Variants in GNG12 observed in about 807,000 individuals in gnomAD.
GNG12 encodes the protein G protein subunit gamma 12.
For synonymous variants in GNG12, 28 were observed against 29.7 expected (o/e 0.94, Z 0.19); for missense variants, 69 against 83.8 (o/e 0.82, Z 0.69).
chr1:67,815,245 T>G (rs1646946803), intron 1 of GNG12, among the ~76,000 whole-genome samples: 1 of 152,164 alleles, frequency 6.6e-6, no homozygotes, highest in Admixed American at 6.5e-5. Flanking sequence ...CCCTCACAAT[T>G]TTTCCTTCAC....
chr1:67,791,833 C>A (rs931307617), intron 1 of GNG12, among the ~76,000 whole-genome samples: 3 of 152,156 alleles, frequency 2.0e-5, no homozygotes, highest in Non-Finnish European at 2.9e-5. Flanking sequence ...AACTCTCCAA[C>A]AGATTCTCAG....
At chr1:67,790,216 T>C (rs989183917) in intron 1 of GNG12, among the ~76,000 whole-genome samples, 5 of 152,218 alleles carry the variant, frequency 3.3e-5, no homozygotes, top group Admixed American at 3.3e-4. Flanking sequence ...ACCTGCTTCC[T>C]GGGTAAAGCC....
intron 2 of GNG12, among the ~76,000 whole-genome samples, chr1:67,768,322 A>G (rs1183984167): frequency 1.3e-5 from 2 of 152,214 alleles, no homozygotes; most frequent in Non-Finnish European, 2.9e-5. Context: ...GTTGAGCCTT[A>G]TTGTTAGTCC....
At chr1:67,827,421 C>G (rs1647017263) in intron 1 of GNG12, among the ~76,000 whole-genome samples, 1 of 151,940 alleles carries the variant, frequency 6.6e-6, no homozygotes, top group Non-Finnish European at 1.5e-5. Flanking sequence ...CTCCAACACT[C>G]CAGTTTTTTT....
At chr1:67,739,427 A>G (rs1646470560) in intron 2 of GNG12, among the ~76,000 whole-genome samples, 2 of 152,208 alleles carry the variant, frequency 1.3e-5, no homozygotes, top group African/African-American at 4.8e-5. Context: ...ATTTAAGTTT[A>G]TTGAACGCCT....
intron 2 of GNG12, among the ~76,000 whole-genome samples, chr1:67,757,218 G>C (rs1277740554): frequency 6.6e-6 from 1 of 152,180 alleles, no homozygotes; most frequent in African/African-American, 2.4e-5. Flanking sequence ...TATTGTGTAT[G>C]ATACAAAGTT....
chr1:67,776,371 C>T (rs962261257), intron 2 of GNG12, among the ~76,000 whole-genome samples: 4 of 152,182 alleles, frequency 2.6e-5, no homozygotes, highest in African/African-American at 9.7e-5. Flanking sequence ...TTCTTCCCCT[C>T]CCTGTATCCA....
chr1:67,703,504 A>C lies in GNG12; in HGVS notation c.*1947T>G, dbSNP rs1646227039. On this transcript the variant is annotated 3_prime_UTR_variant, in exon 4 of 4. Transcript: ENST00000370982. ...TGAAACTGAGTAGAAAAATAGACTT[A>C]TAAAAAAAAGAATGTCTCATTAAGT... 6.6e-6 allele frequency: 1 copy of C among 152,264 alleles called. No homozygotes were observed. The highest frequency in any genetic ancestry group is 2.1e-4 in the South Asian group (1 of 4,834). The allele number at this position is 152,264 out of a possible 1,614,324, so 9.4% of individuals were successfully genotyped here. A position where few individuals can be genotyped will look rare whatever the true frequency, so the allele number is the denominator to read the frequency against.
At chr1:67,708,249 T>C (rs1646261553) in intron 2 of GNG12, among the ~76,000 whole-genome samples, 1 of 152,222 alleles carries the variant, frequency 6.6e-6, no homozygotes. Context: ...TTAGACACTA[T>C]CATGATGTGG....
chr1:67,767,078 A>G (rs936780540), intron 2 of GNG12, among the ~76,000 whole-genome samples: 1 of 152,152 alleles, frequency 6.6e-6, no homozygotes, highest in East Asian at 1.9e-4. Context: ...CTTTAGAAAA[A>G]TCATACAAAA....
chr1:67,818,413 GTTT>G (rs1163831257), intron 1 of GNG12, among the ~76,000 whole-genome samples: 10 of 83,880 alleles, frequency 1.2e-4, no homozygotes, highest in African/African-American at 3.4e-4. Flanking sequence ...AAGACCAGGG[GTTT>G]TTTTTTTTTT....
At chr1:67,805,360 GA>G (rs1210678478) in intron 1 of GNG12, among the ~76,000 whole-genome samples, 2 of 152,172 alleles carry the variant, frequency 1.3e-5, no homozygotes, top group Admixed American at 6.5e-5. Flanking sequence ...ACCAGAATCA[GA>G]AATTGCAGGA....
At chr1:67,712,023 C>T (rs1646298335) in intron 2 of GNG12, among the ~76,000 whole-genome samples, 1 of 152,220 alleles carries the variant, frequency 6.6e-6, no homozygotes, top group African/African-American at 2.4e-5. Context: ...GAGGTGTTTA[C>T]AGGAGCTGGA....
Position 67,705,212 on chromosome 1 carries a change from C to T in GNG12, c.*239G>A, listed in dbSNP as rs917126176. 5.2e-6 allele frequency: 2 copies of T among 383,554 alleles called. 1 individual carries two copies. The highest frequency in any genetic ancestry group is 1.5e-4 in the South Asian group (2 of 13,706). The allele number at this position is 383,554 out of a possible 1,614,324, so 23.8% of individuals were successfully genotyped here. A position where few individuals can be genotyped will look rare whatever the true frequency, so the allele number is the denominator to read the frequency against. ...GATCAACTTTCCTTAAACAGTAACC[C>T]AACATAAAGCCATAGTTACCAAGTG... On this transcript the variant is annotated 3_prime_UTR_variant, in exon 4 of 4. Coordinates refer to ENST00000370982, the MANE Select transcript of GNG12 (RefSeq NM_018841.6).
intron 2 of GNG12, among the ~76,000 whole-genome samples, chr1:67,737,545 G>C (rs1198982894): frequency 6.6e-6 from 1 of 151,858 alleles, no homozygotes; most frequent in African/African-American, 2.4e-5. Flanking sequence ...TTCCCTTTCT[G>C]CATCAGTAAA....
At chr1:67,729,203 TCA>T in intron 2 of GNG12, among the ~76,000 whole-genome samples, 1 of 152,294 alleles carries the variant, frequency 6.6e-6, no homozygotes, top group African/African-American at 2.4e-5. Flanking sequence ...TGTTTTTTCC[TCA>T]CTTTGTCATC....
chr1:67,715,438 T>A (rs1646320036), intron 2 of GNG12, among the ~76,000 whole-genome samples: 3 of 152,196 alleles, frequency 2.0e-5, no homozygotes. Context: ...GTCAATTCAA[T>A]GCGTTTAGGA....
At chr1:67,791,690 T>G (rs1646802550) in intron 1 of GNG12, among the ~76,000 whole-genome samples, 1 of 152,088 alleles carries the variant, frequency 6.6e-6, no homozygotes, top group Non-Finnish European at 1.5e-5. Flanking sequence ...TCTCCTCTGC[T>G]CCCATCTGGG....
intron 2 of GNG12, among the ~76,000 whole-genome samples, chr1:67,709,554 T>C (rs527969516): frequency 6.6e-6 from 1 of 151,872 alleles, no homozygotes; most frequent in African/African-American, 2.4e-5. Flanking sequence ...GGGCTTGCCT[T>C]GTGCTAAGCC....
Sources: allele counts gnomAD v4.1 joint callset (sites outside exome capture counted in the v4.1 genomes callset), GRCh38; gene constraint gnomAD v4.1.1; transcripts MANE v1.5; gene names NCBI Gene and HGNC (gene_info 2026-07-23, HGNC 2026-07-21).